ABCB1: variants seen among roughly 807,000 people sequenced by gnomAD.
The protein encoded by ABCB1 is ATP binding cassette subfamily B member 1.
ABCB1 carries 69 observed loss-of-function variants against 142.0 expected under a neutral mutation model. The ratio of observed to expected loss-of-function variants is 0.49; its 90% CI spans 0.40 to 0.59. The LOEUF is 0.59. Ranked by LOEUF, ABCB1 falls within the 20% of genes least tolerant of loss-of-function variation. The pLI is 0.00. For missense variants in ABCB1, 1,326 were observed against 1,554.7 expected, an observed-to-expected ratio of 0.85 and a Z score of 2.47; for synonymous variants, 532 against 539.2, an observed-to-expected ratio of 0.99 and a Z score of 0.18.
intron 3 of ABCB1, among the ~76,000 whole-genome samples, chr7:87,588,352 G>A (rs983810252): frequency 1.3e-5 from 2 of 152,074 alleles, no homozygotes. Flanking sequence ...CCCTCCGAAA[G>A]GCCCCAATGT....
intron 1 of ABCB1, among the ~76,000 whole-genome samples, chr7:87,678,223 G>A (rs1358991292): frequency 2.6e-5 from 4 of 152,126 alleles, no homozygotes; most frequent in Non-Finnish European, 5.9e-5. Flanking sequence ...CAAAGTTCTG[G>A]GATTACAGGT....
chr7:87,712,096 G>A (rs563770146), intron 1 of ABCB1, among the ~76,000 whole-genome samples: 1 of 151,966 alleles, frequency 6.6e-6, no homozygotes, highest in East Asian at 1.9e-4. Flanking sequence ...ATCTTTATTG[G>A]TAATATAATA....
intron 1 of ABCB1, among the ~76,000 whole-genome samples, chr7:87,688,845 A>G (rs1377030920): frequency 1.3e-5 from 2 of 152,020 alleles, no homozygotes; most frequent in Non-Finnish European, 2.9e-5. Context: ...TTCTGGGTGA[A>G]CAAAATCTTA....
chr7:87,581,213 T>A (rs1466944996), intron 4 of ABCB1, among the ~76,000 whole-genome samples: 2 of 152,078 alleles, frequency 1.3e-5, no homozygotes. Flanking sequence ...CACCTCAGCC[T>A]CTCCAATAGC....
chr7:87,705,988 G>T (rs540836613), intron 1 of ABCB1, among the ~76,000 whole-genome samples: 7 of 152,114 alleles, frequency 4.6e-5, no homozygotes, highest in African/African-American at 1.4e-4. Flanking sequence ...CTGTCTTCTT[G>T]TATATTTTGT....
At chr7:87,526,746 C>A (rs548272364) in intron 21 of ABCB1, among the ~76,000 whole-genome samples, 1 of 152,056 alleles carries the variant, frequency 6.6e-6, no homozygotes, top group Non-Finnish European at 1.5e-5. Flanking sequence ...GTAACCAATC[C>A]GGAAAAAGTG....
At chr7:87,708,891 A>G (rs1286588983) in intron 1 of ABCB1, among the ~76,000 whole-genome samples, 1 of 152,188 alleles carries the variant, frequency 6.6e-6, no homozygotes. Flanking sequence ...GGCTTAGCAC[A>G]TATTAATTAC....
At chr7:87,671,041 G>T (rs1825777228) in intron 1 of ABCB1, among the ~76,000 whole-genome samples, 1 of 152,166 alleles carries the variant, frequency 6.6e-6, no homozygotes, top group Non-Finnish European at 1.5e-5. Context: ...GTGACTGAGG[G>T]TCATTTGCTT....
At chr7:87,628,814 T>C (rs541713113) in intron 1 of ABCB1, 3 of 1,237,482 alleles carry the variant, frequency 2.4e-6, no homozygotes, top group African/African-American at 3.1e-5. Context: ...GGCACGGGGG[T>C]AAGCCCGCCA....
At chr7:87,613,257 CTTTTTTTTTT>C (rs67823385) in intron 1 of ABCB1, among the ~76,000 whole-genome samples, 1 of 64,210 alleles carries the variant, frequency 1.6e-5, no homozygotes, top group Non-Finnish European at 2.8e-5. Context: ...TCCTTTATTT[CTTTTTTTTTT>C]TTTTTTTTTT....
At chr7:87,627,016 C>T (rs1206061613) in intron 1 of ABCB1, among the ~76,000 whole-genome samples, 4 of 152,022 alleles carry the variant, frequency 2.6e-5, no homozygotes, top group Non-Finnish European at 4.4e-5. Context: ...CCTCGTGATC[C>T]GCCCGCCTCA....
At chr7:87,602,194 T>C (rs1001263730), upstream of ABCB1, among the ~76,000 whole-genome samples, 13 of 151,938 alleles carry the variant, frequency 8.6e-5, no homozygotes, top group Non-Finnish European at 1.2e-4. Flanking sequence ...TGGGTTTCAC[T>C]GTGTTAGCCA....
At chr7:87,586,688 C>G (rs1422889656) in intron 3 of ABCB1, among the ~76,000 whole-genome samples, 1 of 152,142 alleles carries the variant, frequency 6.6e-6, no homozygotes, top group Non-Finnish European at 1.5e-5. Context: ...GATTTTAGAA[C>G]TTACATATAC....
At chr7:87,573,864 T>C (rs1818165566) in intron 4 of ABCB1, among the ~76,000 whole-genome samples, 1 of 151,988 alleles carries the variant, frequency 6.6e-6, no homozygotes, top group Non-Finnish European at 1.5e-5. Context: ...TTTATATATG[T>C]AATAAAAGCC....
At chr7:87,660,199 C>T (rs1824547707) in intron 1 of ABCB1, among the ~76,000 whole-genome samples, 1 of 151,974 alleles carries the variant, frequency 6.6e-6, no homozygotes, top group Admixed American at 6.6e-5. Flanking sequence ...TAGCAGTTAC[C>T]AGTAAAAACT....
intron 1 of ABCB1, among the ~76,000 whole-genome samples, chr7:87,668,267 T>C (rs1029502529): frequency 2.0e-5 from 3 of 152,128 alleles, no homozygotes; most frequent in Non-Finnish European, 4.4e-5. Context: ...TTCTAGTTTG[T>C]GTATGTAGAG....
intron 1 of ABCB1, among the ~76,000 whole-genome samples, chr7:87,678,996 A>C (rs1226998328): frequency 6.6e-6 from 1 of 152,106 alleles, no homozygotes; most frequent in Non-Finnish European, 1.5e-5. Context: ...CACTCCTCTC[A>C]TAATAGTAGA....
At chr7:87,644,138 C>T (rs761149178) in intron 1 of ABCB1, among the ~76,000 whole-genome samples, 2 of 152,246 alleles carry the variant, frequency 1.3e-5, no homozygotes, top group Admixed American at 6.5e-5. Context: ...GGATTACAGG[C>T]GTGAGCCACC....
chr7:87,710,692 A>T, intron 1 of ABCB1: 1 of 1,172,416 alleles, frequency 8.5e-7, no homozygotes, highest in Non-Finnish European at 1.2e-6. Flanking sequence ...TATATATTTG[A>T]AAGAATCACC....
Sources: gnomAD v4.1 joint callset for allele counts (sites outside exome capture counted in the v4.1 genomes callset) on GRCh38, gnomAD v4.1.1 for gene constraint, MANE v1.5 for transcripts, NCBI Gene and HGNC (gene_info 2026-07-23, HGNC 2026-07-21) for gene names.